Variants in BICRA observed in about 807,000 individuals in gnomAD.
The protein encoded by BICRA is BRD4 interacting chromatin remodeling complex associated protein, also known as BRD4-interacting chromatin-remodeling complex-associated protein.
A neutral mutation model predicts 96.9 loss-of-function variants in BICRA; 31 were observed. The observed-to-expected ratio is 0.32, with a 90% confidence interval of 0.24 to 0.43. The LOEUF (loss-of-function observed/expected upper bound fraction) is 0.43, where lower values mean the gene tolerates loss of function less well. BICRA is among the 20% of genes least tolerant of loss of function. The pLI is 1.00. For synonymous variants in BICRA, 1,350 were observed against 1,071.8 expected (o/e 1.26, Z -5.07); for missense variants, 2,283 against 2,190.3 (o/e 1.04, Z -0.84).
intron 2 of BICRA, 123 bp from the exon 3 acceptor site, chr19:47,673,447 T>C: frequency 1.3e-6 from 1 of 754,948 alleles, no homozygotes; most frequent in Non-Finnish European, 2.4e-6. Flanking sequence ...TCTATCCCCA[T>C]GGACTCAAGG....
At chr19:47,635,802 A>G (rs7257924) in intron 1 of BICRA, among the ~76,000 whole-genome samples, 1 of 151,948 alleles carries the variant, frequency 6.6e-6, no homozygotes, top group African/African-American at 2.4e-5. Flanking sequence ...AGGCTGGGTA[A>G]TACTCCATTG....
chr19:47,674,733 G>A (rs1467456451), intron 4 of BICRA, among the ~76,000 whole-genome samples: 2 of 152,134 alleles, frequency 1.3e-5, no homozygotes, highest in East Asian at 1.9e-4. Flanking sequence ...CCTCACCACG[G>A]GGGCCTCTCC....
At chr19:47,634,211 G>A in intron 1 of BICRA, among the ~76,000 whole-genome samples, 1 of 152,228 alleles carries the variant, frequency 6.6e-6, no homozygotes, top group East Asian at 1.9e-4. Flanking sequence ...GGAGTGGGCA[G>A]TGCGGCTTCT....
At chr19:47,622,305 C>T (rs933890219) in intron 1 of BICRA, among the ~76,000 whole-genome samples, 1 of 151,770 alleles carries the variant, frequency 6.6e-6, no homozygotes, top group Non-Finnish European at 1.5e-5. Flanking sequence ...CCATGTTGGC[C>T]AGGCTAGTCT....
intron 7 of BICRA, among the ~76,000 whole-genome samples, chr19:47,683,090 T>G (rs892921997): frequency 6.6e-6 from 1 of 152,218 alleles, no homozygotes; most frequent in African/African-American, 2.4e-5. Context: ...CTAGCTATTA[T>G]GAACAAGGCT....
chr19:47,694,110 C>T lies in BICRA; in HGVS notation c.2284-5C>T. The T allele has an allele frequency of 2.1e-6, 3 of 1,430,758 alleles. 1 individual carries two copies. Among genetic ancestry groups the T allele is most frequent in the Non-Finnish European group, 2.8e-6 (3 of 1,079,590 alleles). 88.6% of individuals were successfully genotyped at this position (1,430,758 alleles called of 1,614,324 possible). On this transcript the variant is annotated splice_polypyrimidine_tract_variant and splice_region_variant and intron_variant, in intron 7 of 14. Transcript: ENST00000594866. ...CCCTCCCCTCTCCCTCCCTCCCCTG[C>T]CCAGATCCCGGCAGCGGCTCCGCTG...
At chr19:47,656,069 G>GACACACACACACACAC (rs60179476) in intron 1 of BICRA, among the ~76,000 whole-genome samples, 86 of 132,238 alleles carry the variant, frequency 6.5e-4, no homozygotes, top group East Asian at 1.9e-3. Context: ...ATCCTGTCTC[G>GACACACACACACACAC]ACACACACAC....
At chr19:47,681,732 G>A (rs907840475) in intron 6 of BICRA, among the ~76,000 whole-genome samples, 1 of 152,148 alleles carries the variant, frequency 6.6e-6, no homozygotes, top group Non-Finnish European at 1.5e-5. Context: ...CAGGGACAGA[G>A]GGACAGGCAG....
At chr19:47,684,776 A>G (rs1318793125) in intron 7 of BICRA, among the ~76,000 whole-genome samples, 1 of 152,188 alleles carries the variant, frequency 6.6e-6, no homozygotes, top group Non-Finnish European at 1.5e-5. Context: ...CTGGGGGCTT[A>G]TTGCTGGAAA....
chr19:47,695,100 T>C lies in BICRA; in HGVS notation c.3076+20T>C. The C allele has an allele frequency of 2.7e-6, 4 of 1,473,032 alleles. No individual in the cohort carries two copies. Among genetic ancestry groups the C allele is most frequent in the Non-Finnish European group, 3.6e-6 (4 of 1,113,784 alleles). The allele number at this position is 1,473,032 out of a possible 1,614,324, so 91.2% of individuals were successfully genotyped here. On this transcript the variant is annotated intron_variant, in intron 9 of 14. Coordinates refer to ENST00000594866, the MANE Select transcript of BICRA (RefSeq NM_001394372.1). ...CCACAGGTAGGAGAGAGGTCGCCTA[T>C]GTGCCCAGGGAGACGGGGCCTGAAG... is the stretch of plus-strand genomic sequence containing the variant.
intron 7 of BICRA, among the ~76,000 whole-genome samples, chr19:47,684,199 G>A (rs1973110376): frequency 6.6e-6 from 1 of 152,152 alleles, no homozygotes; most frequent in Non-Finnish European, 1.5e-5. Context: ...ATTATCTTGA[G>A]GGGGACAGAG....
chr19:47,660,376 A>T lies in BICRA; in HGVS notation c.-107-10067A>T, dbSNP rs931033655. 1.2e-4 allele frequency among the ~76,000 whole-genome samples: 19 copies of T among 152,198 alleles called. 1 individual carries two copies. Among genetic ancestry groups the T allele is most frequent in the African/African-American group, 4.6e-4 (19 of 41,436 alleles). ...TACCCAGATAATCCAGGACAGTCTC[A>T]TCTCAACATTGTTAATCTAATTATG... is the stretch of plus-strand genomic sequence containing the variant. On this transcript the variant is annotated intron_variant, in intron 1 of 14. Coordinates refer to ENST00000594866, the MANE Select transcript of BICRA (RefSeq NM_001394372.1).
At chr19:47,669,546 A>G (rs1972831905) in intron 1 of BICRA, among the ~76,000 whole-genome samples, 2 of 152,092 alleles carry the variant, frequency 1.3e-5, no homozygotes, top group Non-Finnish European at 2.9e-5. Context: ...ATAGTATATA[A>G]CACTATATGT....
intron 1 of BICRA, chr19:47,615,952 A>G (rs1362319900): frequency 6.6e-6 from 1 of 152,340 alleles, no homozygotes; most frequent in African/African-American, 2.4e-5. Flanking sequence ...TGTTTTCACT[A>G]TGATTACTGT....
chr19:47,629,191 G>C (rs1407149285), intron 1 of BICRA, among the ~76,000 whole-genome samples: 1 of 151,554 alleles, frequency 6.6e-6, no homozygotes, highest in Non-Finnish European at 1.5e-5. Context: ...TTTTAGTAGA[G>C]ACGGGGTTTC....
intron 11 of BICRA, among the ~76,000 whole-genome samples, chr19:47,697,746 G>A (rs536834160): frequency 6.6e-6 from 1 of 152,234 alleles, no homozygotes; most frequent in South Asian, 2.1e-4. Context: ...CCAAAGTGCT[G>A]GGAGTACAAG....
In BICRA at chr19:47,694,296, G is replaced by GCC; in HGVS notation, c.2470_2471dup (p.Pro825HisfsTer18). On this transcript the variant is annotated frameshift_variant, in exon 8 of 15. Coordinates refer to ENST00000594866, the MANE Select transcript of BICRA (RefSeq NM_001394372.1). LOFTEE classifies it high-confidence loss of function. ...CCCTCAGAGCCACCCTTGCACCCTTGCCCCCCACCCCAGGCCCCCCCAACT... is the reference window on the plus strand; with the variant it reads ...CCCTCAGAGCCACCCTTGCACCCTTGCCCCCCCCACCCCAGGCCCCCCCAACT... 6 of 628,890 alleles carry GCC rather than the reference G, an allele frequency of 9.5e-6. No individual in the cohort carries two copies. In the South Asian group the frequency reaches 9.6e-5, roughly 10 times the overall value. 39.0% of individuals were successfully genotyped at this position (628,890 alleles called of 1,614,324 possible).
intron 2 of BICRA, among the ~76,000 whole-genome samples, chr19:47,671,043 T>C (rs1972854936): frequency 6.6e-6 from 1 of 152,184 alleles, no homozygotes; most frequent in Non-Finnish European, 1.5e-5. Context: ...TGTGTCTCTG[T>C]GCTGCAGGGA....
At chr19:47,643,893 C>T (rs1184291912) in intron 1 of BICRA, among the ~76,000 whole-genome samples, 1 of 152,142 alleles carries the variant, frequency 6.6e-6, no homozygotes, top group Non-Finnish European at 1.5e-5. Flanking sequence ...TAATTCTGTT[C>T]CGATGTCCAT....
Sources: gnomAD v4.1 joint callset for allele counts (sites outside exome capture counted in the v4.1 genomes callset) on GRCh38, gnomAD v4.1.1 for gene constraint, MANE v1.5 for transcripts, NCBI Gene and HGNC (gene_info 2026-07-23, HGNC 2026-07-21) for gene names.